The following ARHGEF7 variants were observed in gnomAD, a reference collection of about 807,000 sequenced individuals.
The protein encoded by ARHGEF7 is Rho guanine nucleotide exchange factor 7.
In ARHGEF7, 33 loss-of-function variants were observed where a neutral mutation model predicts 109.8. That is an observed-to-expected ratio of 0.30 (90% CI 0.23 to 0.40). ARHGEF7 has a LOEUF of 0.40. Among genes scored for constraint, ARHGEF7 ranks in the 10% least tolerant of loss-of-function variants. ARHGEF7 has a pLI of 1.00. For synonymous variants in ARHGEF7, 458 were observed against 424.6 expected (o/e 1.08, Z -0.97); for missense variants, 938 against 1,098.5 (o/e 0.85, Z 2.07).
chr13:111,153,801 G>A, intron 1 of ARHGEF7, 104 bp from the exon 2 acceptor site: 2 of 1,412,708 alleles, frequency 1.4e-6, no homozygotes, highest in Admixed American at 3.4e-5. Context: ...GCTCGCCAGC[G>A]TCGCCCGCTG....
chr13:111,279,855 T>C (rs76775699), intron 13 of ARHGEF7, among the ~76,000 whole-genome samples: 1 of 152,248 alleles, frequency 6.6e-6, no homozygotes, highest in South Asian at 2.1e-4. Flanking sequence ...ATTTTGACTT[T>C]AAACTTGGAA....
chr13:111,170,676 T>C (rs2077521680), intron 2 of ARHGEF7, among the ~76,000 whole-genome samples: 1 of 152,166 alleles, frequency 6.6e-6, no homozygotes, highest in African/African-American at 2.4e-5. Context: ...AGAAGGTTCC[T>C]TGTTGGGAGA....
chr13:111,275,808 C>G, intron 12 of ARHGEF7, 130 bp downstream of exon 12: 1 of 1,183,742 alleles, frequency 8.4e-7, no homozygotes, highest in Non-Finnish European at 1.2e-6. Flanking sequence ...TTGTGAGCTA[C>G]TTTTTATTCT....
intron 2 of ARHGEF7, among the ~76,000 whole-genome samples, chr13:111,198,911 AG>A (rs973053309): frequency 2.7e-5 from 2 of 74,332 alleles, no homozygotes; most frequent in Non-Finnish European, 8.2e-5. Context: ...GCATTTTTAC[AG>A]AGTGCTGATT....
At chr13:111,134,613 A>G (rs2074992318) in intron 1 of ARHGEF7, among the ~76,000 whole-genome samples, 1 of 152,154 alleles carries the variant, frequency 6.6e-6, no homozygotes, top group Non-Finnish European at 1.5e-5. Context: ...GTCTGTTCAT[A>G]TCCTTCACCC....
chr13:111,123,400 G>C (rs2067325288), intron 1 of ARHGEF7, among the ~76,000 whole-genome samples: 1 of 152,114 alleles, frequency 6.6e-6, no homozygotes. Context: ...CCTGCCCAGA[G>C]CAGGCACAGC....
chr13:111,293,612 C>T, intron 19 of ARHGEF7: 1 of 985,354 alleles, frequency 1.0e-6, no homozygotes, highest in Non-Finnish European at 1.2e-6. Flanking sequence ...TGTTCTGTCC[C>T]ATGCACGCTC....
intron 2 of ARHGEF7, among the ~76,000 whole-genome samples, chr13:111,180,195 A>G (rs1360593497): frequency 3.9e-5 from 6 of 152,210 alleles, no homozygotes; most frequent in Non-Finnish European, 1.5e-5. Flanking sequence ...GTGGGAGAGG[A>G]GAAAATGTTA....
chr13:111,115,865 T>C (rs1186195980), intron 1 of ARHGEF7, among the ~76,000 whole-genome samples, 174 bp downstream of exon 1: 3 of 146,342 alleles, frequency 2.0e-5, no homozygotes, highest in South Asian at 2.2e-4. Flanking sequence ...GGGGGCGCCA[T>C]TGTGTGCGGG....
In ARHGEF7 at chr13:111,228,336, G is replaced by T. The variant is rs530209382; in HGVS notation, c.671-4869G>T. Among the ~76,000 whole-genome samples, 1 of 152,222 alleles carries T rather than the reference G, an allele frequency of 6.6e-6. No homozygotes were observed. Among genetic ancestry groups the T allele is most frequent in the Non-Finnish European group, 1.5e-5 (1 of 68,040 alleles). On this transcript the variant is annotated intron_variant, in intron 5 of 21. Coordinates refer to ENST00000646102, the MANE Select transcript of ARHGEF7 (RefSeq NM_001354046.2). This position sits in a 1 kb window ranked among gnomAD's most constrained non-coding sequence, Gnocchi z 4.6. ...TTAAAAATTATTAATATCGTCAGGT[G>T]TGATAATGGTCTGAGGTTAGGGTTT... is the stretch of plus-strand genomic sequence containing the variant.
At chr13:111,164,216 A>T (rs537628920) in intron 2 of ARHGEF7, among the ~76,000 whole-genome samples, 26 of 152,362 alleles carry the variant, frequency 1.7e-4, no homozygotes, top group African/African-American at 5.5e-4. Context: ...CACTTAGCAG[A>T]TCAGGAGGCT....
At chr13:111,119,173 A>G (rs1222609810) in intron 1 of ARHGEF7, among the ~76,000 whole-genome samples, 1 of 152,160 alleles carries the variant, frequency 6.6e-6, no homozygotes, top group Non-Finnish European at 1.5e-5. Context: ...TCTGTGTCCA[A>G]ATTCCTCCTT....
intron 2 of ARHGEF7, among the ~76,000 whole-genome samples, chr13:111,192,737 G>A (rs866622821): frequency 5.0e-4 from 76 of 152,278 alleles, no homozygotes; most frequent in Non-Finnish European, 7.4e-4. Flanking sequence ...GAGTTACCAC[G>A]GCTTTAAAAG....
chr13:111,146,462 C>G (rs1219586756), intron 1 of ARHGEF7, among the ~76,000 whole-genome samples: 1 of 152,216 alleles, frequency 6.6e-6, no homozygotes, highest in Non-Finnish European at 1.5e-5. Context: ...AGACTTTAAA[C>G]ATACACACAC....
At chr13:111,177,786 A>T (rs1177067378) in intron 2 of ARHGEF7, among the ~76,000 whole-genome samples, 4 of 152,206 alleles carry the variant, frequency 2.6e-5, no homozygotes, top group African/African-American at 9.7e-5. Context: ...ATTTTTCAAC[A>T]TGCTATTGAA....
chr13:111,260,624 A>G (rs997883879), intron 8 of ARHGEF7, among the ~76,000 whole-genome samples: 2 of 152,274 alleles, frequency 1.3e-5, no homozygotes, highest in South Asian at 2.1e-4. Context: ...GAGTTCTTCA[A>G]TCTGAAAGAA....
chr13:111,207,194 G>T (rs183977702), intron 3 of ARHGEF7, among the ~76,000 whole-genome samples: 1 of 152,172 alleles, frequency 6.6e-6, no homozygotes, highest in East Asian at 1.9e-4. Context: ...ATGGAGGCAG[G>T]GTCTTGCTCT....
intron 8 of ARHGEF7, among the ~76,000 whole-genome samples, chr13:111,262,096 A>G (rs1205566539): frequency 6.6e-6 from 1 of 152,232 alleles, no homozygotes; most frequent in Non-Finnish European, 1.5e-5. Context: ...TAGAAGGAAA[A>G]TAATAAAGAT....
chr13:111,195,562 T>C (rs990831214), intron 2 of ARHGEF7, among the ~76,000 whole-genome samples: 24 of 152,272 alleles, frequency 1.6e-4, no homozygotes, highest in African/African-American at 4.3e-4. Context: ...AATGGTTAAA[T>C]GTACACGGGG....
Sources: gnomAD v4.1 joint callset for allele counts (sites outside exome capture counted in the v4.1 genomes callset) on GRCh38, gnomAD v4.1.1 for gene constraint, Gnocchi (gnomAD v3.1) non-coding constraint, MANE v1.5 for transcripts, NCBI Gene and HGNC (gene_info 2026-07-23, HGNC 2026-07-21) for gene names.